The following RSRC1 variants were observed in gnomAD, a reference collection of about 807,000 sequenced individuals.
RSRC1 encodes the protein serine/Arginine-related protein 53.
Under a neutral mutation model 49.1 loss-of-function variants are expected in RSRC1, and 39 were observed. That is an observed-to-expected ratio of 0.79 (90% CI 0.61 to 1.04). The LOEUF (loss-of-function observed/expected upper bound fraction) is 1.04, where lower values mean the gene tolerates loss of function less well. Among genes scored for constraint, RSRC1 ranks in the 50% least tolerant of loss-of-function variants. The probability of loss-of-function intolerance (pLI) is 0.00; values close to 1 mark genes in which losing one functional copy is unlikely to be tolerated. For synonymous variants in RSRC1, 143 were observed against 130.8 expected, an observed-to-expected ratio of 1.09 and a Z score of -0.63; for missense variants, 388 against 402.4, an observed-to-expected ratio of 0.96 and a Z score of 0.31.
chr3:158,376,250 G>T (rs1242118414), intron 6 of RSRC1, among the ~76,000 whole-genome samples: 3 of 144,448 alleles, frequency 2.1e-5, no homozygotes, highest in African/African-American at 7.7e-5. Flanking sequence ...GGAGTGCAGT[G>T]GTGCAATATT....
intron 3 of RSRC1, among the ~76,000 whole-genome samples, chr3:158,145,614 G>A (rs2108203328): frequency 6.6e-6 from 1 of 152,236 alleles, no homozygotes; most frequent in South Asian, 2.1e-4. Context: ...TGGCAATGCG[G>A]GCTCTTTTTT....
At chr3:158,202,249 A>G (rs1367993867) in intron 3 of RSRC1, among the ~76,000 whole-genome samples, 1 of 152,082 alleles carries the variant, frequency 6.6e-6, no homozygotes, top group African/African-American at 2.4e-5. Flanking sequence ...CCCTGACCTC[A>G]AGTGATCTGC....
At chr3:158,129,478 A>T (rs1343573454) in intron 3 of RSRC1, among the ~76,000 whole-genome samples, 1 of 151,734 alleles carries the variant, frequency 6.6e-6, no homozygotes, top group Non-Finnish European at 1.5e-5. Context: ...TTTTGGAGAG[A>T]TGGGGTTTCA....
Position 158,229,008 on chromosome 3 carries a change from A to G in RSRC1, c.494+25763A>G, listed in dbSNP as rs563416076. On this transcript the variant is annotated intron_variant, in intron 4 of 9. Coordinates refer to ENST00000611884, the MANE Select transcript of RSRC1 (RefSeq NM_001271838.2). Reference sequence around the variant, plus strand: ...AACACACATACGTGTATATGTGTGTATAAACACACATACGTGTATATGTGT... The same window carrying G: ...AACACACATACGTGTATATGTGTGTGTAAACACACATACGTGTATATGTGT... Among the ~76,000 whole-genome samples, 77 of 118,412 alleles carry G rather than the reference A, an allele frequency of 6.5e-4. 25 individuals carry two copies. The highest frequency in any genetic ancestry group is 4.9e-3 in the Middle Eastern group (1 of 206). 77.7% of individuals were successfully genotyped at this position (118,412 alleles called of 152,430 possible). A position where few individuals can be genotyped will look rare whatever the true frequency, so the allele number is the denominator to read the frequency against.
intron 3 of RSRC1, among the ~76,000 whole-genome samples, chr3:158,172,116 C>T (rs1201897601): frequency 6.6e-6 from 1 of 151,816 alleles, no homozygotes; most frequent in Non-Finnish European, 1.5e-5. Flanking sequence ...AGTTTCAGAA[C>T]AAGAAAAGAG....
chr3:158,133,125 A>G (rs1716145270), intron 3 of RSRC1, among the ~76,000 whole-genome samples: 1 of 152,200 alleles, frequency 6.6e-6, no homozygotes, highest in Admixed American at 6.5e-5. Context: ...CAAATGTAAT[A>G]TGAAAAACTA....
At chr3:158,535,991 C>A (rs753464519) in intron 7 of RSRC1, among the ~76,000 whole-genome samples, 20 of 151,464 alleles carry the variant, frequency 1.3e-4, no homozygotes, top group Non-Finnish European at 2.5e-4. Flanking sequence ...CATTTTACAA[C>A]CTCTGATGAA....
chr3:158,352,378 C>T (rs1248153647), intron 5 of RSRC1, among the ~76,000 whole-genome samples: 1 of 152,066 alleles, frequency 6.6e-6, no homozygotes, highest in Non-Finnish European at 1.5e-5. Context: ...AGGGAGACTT[C>T]ATGGAGTAGA....
chr3:158,210,156 A>C (rs1292894260), intron 4 of RSRC1, among the ~76,000 whole-genome samples: 1 of 152,064 alleles, frequency 6.6e-6, no homozygotes, highest in South Asian at 2.1e-4. Flanking sequence ...CCCTATTTGC[A>C]TATAGGTTAT....
At chr3:158,514,244 G>A (rs1578564526) in intron 7 of RSRC1, among the ~76,000 whole-genome samples, 4 of 152,200 alleles carry the variant, frequency 2.6e-5, no homozygotes, top group African/African-American at 7.2e-5. Flanking sequence ...GCTTTCTCTT[G>A]TGGGCATTTA....
intron 3 of RSRC1, among the ~76,000 whole-genome samples, chr3:158,193,521 G>C (rs1355644323): frequency 6.6e-6 from 1 of 151,870 alleles, no homozygotes; most frequent in Admixed American, 6.6e-5. Context: ...ATCATATTTT[G>C]GTCCTAAATA....
intron 6 of RSRC1, among the ~76,000 whole-genome samples, chr3:158,435,022 A>G (rs1338601844): frequency 1.3e-5 from 2 of 151,956 alleles, no homozygotes; most frequent in Admixed American, 6.6e-5. Flanking sequence ...TTTTTTATTT[A>G]ATGAGGTTTT....
chr3:158,211,359 C>CT (rs1721663205), intron 4 of RSRC1, among the ~76,000 whole-genome samples: 1 of 151,878 alleles, frequency 6.6e-6, no homozygotes, highest in Non-Finnish European at 1.5e-5. Context: ...AAAGATATTA[C>CT]TTACCTAATT....
At chr3:158,196,948 T>A (rs1414757692) in intron 3 of RSRC1, among the ~76,000 whole-genome samples, 3 of 152,206 alleles carry the variant, frequency 2.0e-5, no homozygotes, top group Admixed American at 1.3e-4. Context: ...TCAGGGATAT[T>A]GGTCTAAAAT....
chr3:158,419,718 A>G (rs1327870198), intron 6 of RSRC1, among the ~76,000 whole-genome samples: 2 of 151,810 alleles, frequency 1.3e-5, no homozygotes, highest in East Asian at 2.0e-4. Flanking sequence ...ATTTGCACAC[A>G]TAACACTTTA....
intron 6 of RSRC1, among the ~76,000 whole-genome samples, chr3:158,402,024 G>A (rs1025356913): frequency 2.6e-5 from 4 of 151,942 alleles, no homozygotes; most frequent in Admixed American, 2.0e-4. Context: ...TTAAGGTGGG[G>A]TAGGGGAAAT....
At chr3:158,247,466 G>C in intron 4 of RSRC1, among the ~76,000 whole-genome samples, 1 of 151,584 alleles carries the variant, frequency 6.6e-6, no homozygotes, top group East Asian at 1.9e-4. Context: ...GAGTTTTCAG[G>C]GTTTTGCACT....
intron 3 of RSRC1, among the ~76,000 whole-genome samples, chr3:158,167,987 A>G (rs999452335): frequency 2.6e-5 from 4 of 152,306 alleles, no homozygotes; most frequent in East Asian, 1.9e-4. Flanking sequence ...CTGTCAGTCT[A>G]CCTACCATCA....
chr3:158,483,716 A>G (rs2108439058), intron 7 of RSRC1, among the ~76,000 whole-genome samples: 1 of 152,212 alleles, frequency 6.6e-6, no homozygotes, highest in South Asian at 2.1e-4. Flanking sequence ...AAGTTTGTTC[A>G]TTTAAAAAGT....
Sources: allele counts gnomAD v4.1 joint callset (sites outside exome capture counted in the v4.1 genomes callset), GRCh38; gene constraint gnomAD v4.1.1; transcripts MANE v1.5; gene names NCBI Gene and HGNC (gene_info 2026-07-23, HGNC 2026-07-21).